The following SRRM1 variants were observed in gnomAD, a reference collection of about 807,000 sequenced individuals.
SRRM1 encodes the protein serine and arginine repetitive matrix 1.
A neutral mutation model predicts 110.2 loss-of-function variants in SRRM1; 19 were observed. The ratio of observed to expected loss-of-function variants is 0.17; its 90% CI spans 0.12 to 0.25. The LOEUF (loss-of-function observed/expected upper bound fraction) is 0.25. Among genes scored for constraint, SRRM1 ranks in the 10% least tolerant of loss-of-function variants. The probability of loss-of-function intolerance (pLI) is 1.00; values close to 1 mark genes in which losing one functional copy is unlikely to be tolerated. For synonymous variants in SRRM1, 443 were observed against 414.9 expected, an observed-to-expected ratio of 1.07 and a Z score of -0.82; for missense variants, 918 against 1,145.8, an observed-to-expected ratio of 0.80 and a Z score of 2.87.
chr1:24,663,914 T>TAATAATAAA (rs1053918630), intron 12 of SRRM1, among the ~76,000 whole-genome samples: 2 of 120,088 alleles, frequency 1.7e-5, no homozygotes, highest in East Asian at 4.9e-4. Flanking sequence ...ATAATAATAA[T>TAATAATAAA]AAATAAAAGC....
At chr1:24,648,176 T>C (rs1259940862) in intron 3 of SRRM1, 2 of 152,216 alleles carry the variant, frequency 1.3e-5, no homozygotes, top group African/African-American at 4.8e-5. Context: ...TGTACTTGCT[T>C]TGTGCTATTG....
At chr1:24,645,162 C>T (rs138974705) in intron 1 of SRRM1, among the ~76,000 whole-genome samples, 2 of 152,284 alleles carry the variant, frequency 1.3e-5, no homozygotes, top group African/African-American at 4.8e-5. Flanking sequence ...TTCTATACCT[C>T]TATTTTAGCA....
intron 7 of SRRM1, 37 bp from the exon 8 acceptor site, chr1:24,652,876 T>TG (rs1661804495): frequency 6.3e-7 from 1 of 1,587,170 alleles, no homozygotes; most frequent in East Asian, 2.2e-5. Flanking sequence ...TCCTCACTCC[T>TG]GGTTTATTCA....
chr1:24,670,667 T>G (rs563171662), intron 15 of SRRM1, among the ~76,000 whole-genome samples: 1 of 152,038 alleles, frequency 6.6e-6, no homozygotes, highest in South Asian at 2.1e-4. Flanking sequence ...GGTTTTTTGT[T>G]TTTAACTTTT....
intron 13 of SRRM1, among the ~76,000 whole-genome samples, 195 bp from the exon 14 acceptor site, chr1:24,668,928 G>A (rs1449136589): frequency 6.6e-6 from 1 of 151,904 alleles, no homozygotes; most frequent in Non-Finnish European, 1.5e-5. Flanking sequence ...TGCAGACAGT[G>A]TCCTGTGTTG....
intron 8 of SRRM1, among the ~76,000 whole-genome samples, chr1:24,653,479 A>G (rs778372209): frequency 6.6e-6 from 1 of 152,208 alleles, no homozygotes. Flanking sequence ...TTCTCATTAT[A>G]GAAGTAATGA....
In SRRM1 at chr1:24,661,385, A is replaced by G. The variant is rs753381425; in HGVS notation, c.1472A>G (p.Gln491Arg). The G allele has an allele frequency of 5.6e-6, 9 of 1,612,494 alleles. No individual in the cohort carries two copies. The highest frequency in any genetic ancestry group is 1.7e-5 in the Admixed American group (1 of 59,814). The change falls in exon 11 of 17, where the codon CAG (glutamine) becomes CGG (arginine). Residue 491 changes from glutamine to arginine, a missense_variant. Gln to Arg is a conservative substitution (Grantham distance 43, BLOSUM62 1). Around this residue, in one of 5 missense-constraint regions of SRRM1, gnomAD observed 5 missense variants for 17.2 expected, o/e 0.29. Coordinates refer to ENST00000323848, the MANE Select transcript of SRRM1 (RefSeq NM_005839.4). The stretch of plus-strand genomic sequence containing the variant: ...CGCCAATACAGACGACAAAACCAGC[A>G]GTCTTCATCTGGTATGGATGGTGAT... ...QRRQYRRQNQQSSSDSGSSSS... is the reference protein window; with the variant it reads ...QRRQYRRQNQRSSSDSGSSSS...
In SRRM1 at chr1:24,654,932, A is replaced by G. The variant is rs1663142604; in HGVS notation, c.1118A>G (p.Lys373Arg). The G allele has an allele frequency of 3.7e-6, 6 of 1,614,070 alleles. No individual in the cohort carries two copies. In the South Asian group the frequency reaches 6.6e-5, roughly 18 times the overall value. ...TCTCGTTCACGGTCACCACCAAAGA[A>G]GCCTCCCAAGAGGACATCCAGCCCC... ...SSSRSRSPPK[K>R]PPKRTSSPPR... is the part of the protein sequence containing the mutation. Residue 373 changes from lysine to arginine, a missense_variant, in exon 9 of 17, where the codon AAG (lysine) becomes AGG (arginine). Physicochemically the swap from Lys to Arg is conservative, Grantham distance 26. This residue lies in a region of SRRM1 where 456 missense variants were observed against 453.5 expected (regional missense o/e 1.01). Transcript: ENST00000323848.
chr1:24,653,290 C>T (rs1662088610), intron 8 of SRRM1, among the ~76,000 whole-genome samples: 1 of 152,152 alleles, frequency 6.6e-6, no homozygotes, highest in Non-Finnish European at 1.5e-5. Context: ...TTCTAGACTT[C>T]ACCAAGAAAT....
chr1:24,661,048 G>A, intron 10 of SRRM1: 2 of 534,896 alleles, frequency 3.7e-6, no homozygotes, highest in Non-Finnish European at 6.7e-6. Flanking sequence ...AGAGGTTTTT[G>A]ACAGTTAACT....
intron 1 of SRRM1, 113 bp from the exon 2 acceptor site, chr1:24,645,871 A>G: frequency 1.4e-6 from 1 of 726,644 alleles, no homozygotes; most frequent in South Asian, 1.8e-5. Flanking sequence ...TATGAAAACT[A>G]GTTTGGTATT....
chr1:24,650,381 G>GA (rs1659941055), intron 5 of SRRM1, among the ~76,000 whole-genome samples: 1 of 152,104 alleles, frequency 6.6e-6, no homozygotes, highest in African/African-American at 2.4e-5. Context: ...GTTAATTTGG[G>GA]TTTTTAAAAA....
At chr1:24,652,379 T>G in intron 6 of SRRM1, 55 bp from the exon 7 acceptor site, 2 of 1,264,552 alleles carry the variant, frequency 1.6e-6, no homozygotes, top group Non-Finnish European at 2.2e-6. Flanking sequence ...TGTAATGATT[T>G]AGAAGGCTGA....
chr1:24,671,222 C>G (rs1672573929), intron 15 of SRRM1, among the ~76,000 whole-genome samples, 164 bp from the exon 16 acceptor site: 1 of 152,312 alleles, frequency 6.6e-6, no homozygotes, highest in African/African-American at 2.4e-5. Context: ...GAATACTTTT[C>G]TTGGTGATAA....
intron 9 of SRRM1, 122 bp from the exon 10 acceptor site, chr1:24,660,597 T>C (rs1489990816): frequency 2.3e-6 from 1 of 426,980 alleles, no homozygotes; most frequent in African/African-American, 2.1e-5. Context: ...CTAGCCTGAC[T>C]AATATAGTGA....
At position 24,669,146 on chromosome 1, in the gene SRRM1, G is replaced by A. The variant is rs915181102; in HGVS notation, c.1763G>A (p.Arg588Gln). 7 of 1,608,390 alleles carry A rather than the reference G, an allele frequency of 4.4e-6. No individual in the cohort carries two copies. Among genetic ancestry groups the A allele is most frequent in the South Asian group, 1.1e-5 (1 of 90,974 alleles). The change falls in exon 14 of 17, where the codon CGG becomes CAG. Residue 588 changes from arginine (R) to glutamine (Q), a missense_variant. Around this residue, in one of 5 missense-constraint regions of SRRM1, gnomAD observed 357 missense variants for 402.9 expected, o/e 0.89. Coordinates refer to ENST00000323848, the MANE Select transcript of SRRM1 (RefSeq NM_005839.4). ...RRRTPSPPPR[R>Q]RSPSPRRYSP... ...AGGACTCCTTCTCCTCCCCCACGTC[G>A]GCGCTCACCTTCTCCTAGAAGATAC...
In SRRM1 at chr1:24,672,382, T is replaced by C. The variant is rs1450388956; in HGVS notation, c.*96T>C. ...TGTTTGAGCTTTAGACTATAACATT[T>C]GTTGTAATAATTGCTAGGTTGAAGT... On this transcript the variant is annotated 3_prime_UTR_variant, in exon 17 of 17. Coordinates refer to ENST00000323848, the MANE Select transcript of SRRM1 (RefSeq NM_005839.4). 1 of 824,862 alleles carries C rather than the reference T, an allele frequency of 1.2e-6. No homozygotes were observed. Among genetic ancestry groups the C allele is most frequent in the African/African-American group, 1.7e-5 (1 of 57,218 alleles). 51.1% of individuals were successfully genotyped at this position (824,862 alleles called of 1,614,324 possible). A position where few individuals can be genotyped will look rare whatever the true frequency, so the allele number is the denominator to read the frequency against.
At position 24,670,269 on chromosome 1, in the gene SRRM1, C is replaced by T. The variant is rs747316883; in HGVS notation, c.2354C>T (p.Pro785Leu). The T allele has an allele frequency of 4.5e-5, 72 of 1,613,716 alleles. No individual in the cohort carries two copies. The highest frequency in any genetic ancestry group is 1.6e-4 in the Middle Eastern group (1 of 6,080). Reference sequence around the variant, plus strand: ...TCTACAAACTGGTCACCAGCTGTACCGGTCAAAAAGGCCAAAAGCCCAACA... The same window carrying T: ...TCTACAAACTGGTCACCAGCTGTACTGGTCAAAAAGGCCAAAAGCCCAACA... ...SPSTNWSPAV[P>L]VKKAKSPTPS... The change falls in exon 15 of 17, where the codon CCG becomes CTG. Residue 785 changes from proline to leucine, a missense_variant. By Grantham distance (98) the Pro-to-Leu change is moderately conservative. Around this residue, in one of 5 missense-constraint regions of SRRM1, gnomAD observed 357 missense variants for 402.9 expected, o/e 0.89. Coordinates refer to ENST00000323848, the MANE Select transcript of SRRM1 (RefSeq NM_005839.4).
At chr1:24,653,957 T>C (rs900706994) in intron 8 of SRRM1, among the ~76,000 whole-genome samples, 4 of 152,132 alleles carry the variant, frequency 2.6e-5, no homozygotes, top group Non-Finnish European at 5.9e-5. Flanking sequence ...TTTTTCAGAG[T>C]CCCATATTTT....
Sources: allele counts gnomAD v4.1 joint callset (sites outside exome capture counted in the v4.1 genomes callset), GRCh38; gene constraint gnomAD v4.1.1; regional missense constraint gnomAD v4.1.1; transcripts MANE v1.5; gene names NCBI Gene and HGNC (gene_info 2026-07-23, HGNC 2026-07-21).